B3GALT1: variants seen among roughly 807,000 people sequenced by gnomAD.
B3GALT1 encodes the protein UDP-Gal:betaGlcNAc beta 1,3-galactosyltransferase, polypeptide 1.
In B3GALT1, 10 loss-of-function variants were observed where a neutral mutation model predicts 23.2. The ratio of observed to expected loss-of-function variants is 0.43; its 90% CI spans 0.27 to 0.73. B3GALT1 has a LOEUF of 0.73. Among genes scored for constraint, B3GALT1 ranks in the 30% least tolerant of loss-of-function variants. The pLI is 0.21. For synonymous variants in B3GALT1, 156 were observed against 141.5 expected (o/e 1.10, Z -0.73); for missense variants, 299 against 405.4 (o/e 0.74, Z 2.25).
intron 2 of B3GALT1, among the ~76,000 whole-genome samples, chr2:167,567,789 A>C (rs1046780397): frequency 6.6e-6 from 1 of 152,142 alleles, no homozygotes; most frequent in African/African-American, 2.4e-5. Flanking sequence ...GGTGTTGTAC[A>C]TCCCATGGGT....
At chr2:167,418,375 A>G (rs944913450) in intron 1 of B3GALT1, among the ~76,000 whole-genome samples, 5 of 152,122 alleles carry the variant, frequency 3.3e-5, no homozygotes, top group Non-Finnish European at 5.9e-5. Context: ...TAGGGGAAGC[A>G]GAGGTAGGGG....
At chr2:167,500,695 A>G (rs1699837958) in intron 2 of B3GALT1, among the ~76,000 whole-genome samples, 1 of 152,126 alleles carries the variant, frequency 6.6e-6, no homozygotes, top group Admixed American at 6.6e-5. Flanking sequence ...CTATTGCTAT[A>G]TTTTTATGAG....
chr2:167,567,395 A>G (rs1684191456), intron 2 of B3GALT1, among the ~76,000 whole-genome samples: 1 of 152,152 alleles, frequency 6.6e-6, no homozygotes, highest in African/African-American at 2.4e-5. Context: ...GGCCATCTCA[A>G]GGATGTATTA....
At chr2:167,838,457 C>G (rs1689544774) in intron 4 of B3GALT1, among the ~76,000 whole-genome samples, 2 of 152,410 alleles carry the variant, frequency 1.3e-5, no homozygotes, top group South Asian at 4.1e-4. Flanking sequence ...AACACATACA[C>G]TCTCCCAAGA....
intron 4 of B3GALT1, among the ~76,000 whole-genome samples, chr2:167,837,520 C>A (rs1219313762): frequency 6.6e-6 from 1 of 151,080 alleles, no homozygotes; most frequent in Non-Finnish European, 1.5e-5. Context: ...CACCCAGATT[C>A]ATAAAGCAAG....
At chr2:167,666,903 C>T (rs1041814511) in intron 3 of B3GALT1, among the ~76,000 whole-genome samples, 2 of 152,114 alleles carry the variant, frequency 1.3e-5, no homozygotes, top group African/African-American at 4.8e-5. Context: ...ACTCTTTATC[C>T]AATTTGCCAG....
At chr2:167,608,979 T>A (rs6726860) in intron 2 of B3GALT1, among the ~76,000 whole-genome samples, 11 of 152,126 alleles carry the variant, frequency 7.2e-5, no homozygotes, top group African/African-American at 2.7e-4. Context: ...GATCAGCTCC[T>A]AAGGCCCCTG....
intron 1 of B3GALT1, among the ~76,000 whole-genome samples, chr2:167,393,238 G>GAA (rs202005651): frequency 1.1e-5 from 1 of 89,256 alleles, no homozygotes; most frequent in Non-Finnish European, 2.5e-5. Flanking sequence ...CGTCTCAAAA[G>GAA]AAAAAAAAAA....
chr2:167,544,337 C>A (rs917147069), intron 2 of B3GALT1, among the ~76,000 whole-genome samples: 1 of 152,232 alleles, frequency 6.6e-6, no homozygotes, highest in African/African-American at 2.4e-5. Context: ...ATCTGTTGCC[C>A]AGGCCGGAGT....
At chr2:167,456,141 C>T (rs116214459) in intron 1 of B3GALT1, among the ~76,000 whole-genome samples, 1,767 of 152,194 alleles carry the variant, frequency 0.012, 39 homozygotes, top group African/African-American at 0.041. Flanking sequence ...AAACATGGCA[C>T]CAGCATCTGC....
intron 2 of B3GALT1, among the ~76,000 whole-genome samples, chr2:167,622,362 A>C (rs909464975): frequency 2.6e-5 from 4 of 152,100 alleles, no homozygotes; most frequent in African/African-American, 9.7e-5. Context: ...GGGTTAAGTG[A>C]GCCAGTGGTG....
At chr2:167,305,926 C>T (rs1202338993) in intron 1 of B3GALT1, among the ~76,000 whole-genome samples, 1 of 152,028 alleles carries the variant, frequency 6.6e-6, no homozygotes, top group Non-Finnish European at 1.5e-5. Context: ...TAAAAATAAT[C>T]ATGTTCTGTG....
At chr2:167,464,839 C>T (rs1432691202) in intron 1 of B3GALT1, among the ~76,000 whole-genome samples, 1 of 152,070 alleles carries the variant, frequency 6.6e-6, no homozygotes, top group East Asian at 1.9e-4. Flanking sequence ...ATGTATTATC[C>T]ACAGCATGAT....
intron 3 of B3GALT1, among the ~76,000 whole-genome samples, chr2:167,779,069 C>CG (rs1472304327): frequency 6.6e-6 from 1 of 152,162 alleles, no homozygotes; most frequent in African/African-American, 2.4e-5. Flanking sequence ...TCTATGCAGA[C>CG]GCACTCTACT....
intron 3 of B3GALT1, among the ~76,000 whole-genome samples, chr2:167,809,314 C>G (rs1324501999): frequency 6.6e-6 from 1 of 152,220 alleles, no homozygotes; most frequent in Non-Finnish European, 1.5e-5. Context: ...CAGCTTTGTT[C>G]CATTGCTGGT....
chr2:167,838,007 T>G (rs552494268), intron 4 of B3GALT1, among the ~76,000 whole-genome samples: 1 of 151,484 alleles, frequency 6.6e-6, no homozygotes, highest in East Asian at 1.9e-4. Context: ...TACCAGAATC[T>G]CTGGGACACA....
At chr2:167,857,849 G>A (rs754944818) in intron 4 of B3GALT1, among the ~76,000 whole-genome samples, 12 of 152,128 alleles carry the variant, frequency 7.9e-5, no homozygotes, top group Admixed American at 2.0e-4. Context: ...TGATTCTAGC[G>A]CTGAAAATTG....
chr2:167,518,287 T>A (rs553337771), intron 2 of B3GALT1, among the ~76,000 whole-genome samples: 2 of 152,252 alleles, frequency 1.3e-5, no homozygotes, highest in Non-Finnish European at 2.9e-5. Flanking sequence ...AATCAGCAAA[T>A]GGAAAATTAT....
chr2:167,468,736 G>A (rs144383544), intron 1 of B3GALT1, among the ~76,000 whole-genome samples: 105 of 152,300 alleles, frequency 6.9e-4, no homozygotes, highest in African/African-American at 2.4e-3. Context: ...GCCGGGCATT[G>A]TGGCACATGC....
Sources: gnomAD v4.1 joint callset for allele counts (sites outside exome capture counted in the v4.1 genomes callset) on GRCh38, gnomAD v4.1.1 for gene constraint, MANE v1.5 for transcripts, NCBI Gene and HGNC (gene_info 2026-07-23, HGNC 2026-07-21) for gene names.